Variants in KCNIP4 observed in about 807,000 individuals in gnomAD.
The protein encoded by KCNIP4 is potassium voltage-gated channel interacting protein 4.
A neutral mutation model predicts 34.0 loss-of-function variants in KCNIP4; 12 were observed. The observed-to-expected ratio is 0.35, with a 90% CI of 0.23 to 0.57. The LOEUF is 0.57. KCNIP4 is among the 20% of genes least tolerant of loss of function. The pLI, the probability that KCNIP4 is intolerant of heterozygous loss-of-function variation, is 0.83. For missense variants in KCNIP4, 238 were observed against 311.7 expected (o/e 0.76, Z 1.78); for synonymous variants, 124 against 102.2 (o/e 1.21, Z -1.29).
intron 1 of KCNIP4, among the ~76,000 whole-genome samples, chr4:21,530,811 C>T (rs1736610994): frequency 6.6e-6 from 1 of 152,160 alleles, no homozygotes; most frequent in African/African-American, 2.4e-5. Flanking sequence ...CTGGCTTTCT[C>T]AGCACTTGCA....
chr4:21,604,516 G>T (rs777137427), intron 1 of KCNIP4, among the ~76,000 whole-genome samples: 2 of 151,948 alleles, frequency 1.3e-5, no homozygotes, highest in Non-Finnish European at 2.9e-5. Context: ...TGTTTAACAC[G>T]ATATATTTTG....
At chr4:20,933,132 C>T (rs1365810395) in intron 1 of KCNIP4, among the ~76,000 whole-genome samples, 1 of 151,970 alleles carries the variant, frequency 6.6e-6, no homozygotes, top group African/African-American at 2.4e-5. Flanking sequence ...GTAATCCTAG[C>T]TACTTCGAGG....
chr4:21,141,166 T>C (rs1324149817), intron 1 of KCNIP4, among the ~76,000 whole-genome samples: 1 of 152,158 alleles, frequency 6.6e-6, no homozygotes, highest in Admixed American at 6.5e-5. Context: ...CATACCTTAG[T>C]TCAAAAACAC....
In KCNIP4 at chr4:21,722,622, GAA is replaced by G. The variant is rs1253108181; in HGVS notation, c.61+225947_61+225948del. On this transcript the variant is annotated intron_variant, in intron 1 of 8. Coordinates refer to ENST00000382152, the MANE Select transcript of KCNIP4 (RefSeq NM_025221.6). ...GGCAACCACTAGAATTTTCAATTGAGAAGAGAGAAATCACAAGTCAATTCAAA... is the reference window on the plus strand; with the variant it reads ...GGCAACCACTAGAATTTTCAATTGAGGAGAGAAATCACAAGTCAATTCAAA... Among the ~76,000 whole-genome samples, 11 of 152,162 alleles carry G rather than the reference GAA, an allele frequency of 7.2e-5. 2 individuals carry two copies. Among genetic ancestry groups the G allele is most frequent in the African/African-American group, 2.6e-4 (11 of 41,532 alleles).
intron 1 of KCNIP4, among the ~76,000 whole-genome samples, chr4:20,958,510 T>C (rs1733532883): frequency 6.6e-6 from 1 of 152,186 alleles, no homozygotes. Flanking sequence ...TAATAAAAAT[T>C]GATGAAGAGG....
intron 1 of KCNIP4, among the ~76,000 whole-genome samples, chr4:20,927,364 T>C (rs1462666775): frequency 1.3e-5 from 2 of 152,166 alleles, no homozygotes; most frequent in Non-Finnish European, 2.9e-5. Flanking sequence ...GAGTTATTAT[T>C]TTAGGGAGTG....
intron 3 of KCNIP4, among the ~76,000 whole-genome samples, chr4:20,824,610 G>C (rs1717501813): frequency 6.6e-6 from 1 of 152,124 alleles, no homozygotes; most frequent in South Asian, 2.1e-4. Context: ...AACCCTGGAG[G>C]CAGAGGTTGC....
chr4:21,033,914 G>C (rs1352637293), intron 1 of KCNIP4, among the ~76,000 whole-genome samples: 1 of 152,146 alleles, frequency 6.6e-6, no homozygotes, highest in Non-Finnish European at 1.5e-5. Context: ...AGGTTCTGAA[G>C]AAAACCGCAT....
intron 1 of KCNIP4, among the ~76,000 whole-genome samples, chr4:21,489,671 G>C (rs1417921193): frequency 4.6e-5 from 7 of 152,054 alleles, no homozygotes; most frequent in African/African-American, 1.7e-4. Flanking sequence ...CTTTTCTGCA[G>C]ACAGTTCCAT....
chr4:21,921,776 T>A (rs1728952911), intron 1 of KCNIP4, among the ~76,000 whole-genome samples: 1 of 152,206 alleles, frequency 6.6e-6, no homozygotes, highest in South Asian at 2.1e-4. Flanking sequence ...CTGCCTGGGA[T>A]ACCACCATAA....
intron 1 of KCNIP4, among the ~76,000 whole-genome samples, chr4:21,356,070 T>G (rs1485712596): frequency 2.6e-5 from 4 of 152,124 alleles, no homozygotes; most frequent in African/African-American, 9.7e-5. Context: ...TTTCAATAGA[T>G]GCAGAAAAGG....
intron 1 of KCNIP4, among the ~76,000 whole-genome samples, chr4:21,642,441 G>T (rs1480350781): frequency 4.6e-5 from 7 of 152,146 alleles, no homozygotes; most frequent in Admixed American, 4.6e-4. Flanking sequence ...ACCTTGCAGA[G>T]CTGTAGCAAA....
chr4:21,221,125 C>T (rs1757952576), intron 1 of KCNIP4, among the ~76,000 whole-genome samples: 1 of 152,106 alleles, frequency 6.6e-6, no homozygotes, highest in Admixed American at 6.6e-5. Flanking sequence ...ACTGATGTTG[C>T]CCAGTCATGG....
chr4:21,546,051 G>A (rs1036875821), intron 1 of KCNIP4, among the ~76,000 whole-genome samples: 3 of 151,938 alleles, frequency 2.0e-5, no homozygotes, highest in African/African-American at 4.8e-5. Flanking sequence ...TTTCTTATGC[G>A]AGACCTAAGA....
chr4:21,715,776 G>T (rs1318944453), intron 1 of KCNIP4, among the ~76,000 whole-genome samples: 2 of 152,082 alleles, frequency 1.3e-5, no homozygotes, highest in Non-Finnish European at 1.5e-5. Flanking sequence ...ACTGAAAAAA[G>T]TTATTTTTTC....
chr4:21,674,717 C>G (rs767517095), intron 1 of KCNIP4, among the ~76,000 whole-genome samples: 4 of 152,082 alleles, frequency 2.6e-5, no homozygotes, highest in African/African-American at 9.7e-5. Context: ...TCTCCAGATA[C>G]AACAGCCTTG....
chr4:21,687,774 A>G (rs1032561937), intron 1 of KCNIP4, among the ~76,000 whole-genome samples: 1 of 152,126 alleles, frequency 6.6e-6, no homozygotes, highest in African/African-American at 2.4e-5. Flanking sequence ...TAATATGAAA[A>G]TATGTATGGG....
chr4:21,080,443 C>G (rs1745905579), intron 1 of KCNIP4, among the ~76,000 whole-genome samples: 1 of 151,690 alleles, frequency 6.6e-6, no homozygotes, highest in Non-Finnish European at 1.5e-5. Flanking sequence ...ACAATAAGAT[C>G]TTTCTTCCTT....
At chr4:21,392,207 A>G (rs1318891863) in intron 1 of KCNIP4, among the ~76,000 whole-genome samples, 1 of 152,322 alleles carries the variant, frequency 6.6e-6, no homozygotes, top group Middle Eastern at 3.4e-3. Context: ...TGAGAATTAG[A>G]ACAAAACAAT....
Sources: gnomAD v4.1 joint callset for allele counts (sites outside exome capture counted in the v4.1 genomes callset) on GRCh38, gnomAD v4.1.1 for gene constraint, MANE v1.5 for transcripts, NCBI Gene and HGNC (gene_info 2026-07-23, HGNC 2026-07-21) for gene names.